The following PRKCH variants were observed in gnomAD, a reference collection of about 807,000 sequenced individuals.
PRKCH encodes protein kinase C eta, also known as protein kinase C eta type.
Under a neutral mutation model 82.5 loss-of-function variants are expected in PRKCH, and 28 were observed. The observed-to-expected ratio is 0.34, with a 90% CI of 0.25 to 0.47. The LOEUF (loss-of-function observed/expected upper bound fraction) is 0.47, where lower values mean the gene tolerates loss of function less well. Among genes scored for constraint, PRKCH ranks in the 20% least tolerant of loss-of-function variants. The pLI, the probability that PRKCH is intolerant of heterozygous loss-of-function variation, is 1.00. For synonymous variants in PRKCH, 322 were observed against 327.4 expected (o/e 0.98, Z 0.18); for missense variants, 705 against 881.8 (o/e 0.80, Z 2.54).
chr14:61,195,585 T>C (rs1357944283), intron 1 of PRKCH, among the ~76,000 whole-genome samples: 2 of 152,324 alleles, frequency 1.3e-5, no homozygotes, highest in Non-Finnish European at 2.9e-5. Context: ...ATGCATAGGA[T>C]ATTTTAGGAA....
chr14:61,256,622 T>A (rs1187336220), intron 1 of PRKCH, among the ~76,000 whole-genome samples: 3 of 152,224 alleles, frequency 2.0e-5, no homozygotes, highest in Non-Finnish European at 2.9e-5. Flanking sequence ...AGGATTTTCT[T>A]TGTTTTATTG....
intron 1 of PRKCH, among the ~76,000 whole-genome samples, chr14:61,341,463 A>G (rs1448543704): frequency 6.6e-6 from 1 of 152,238 alleles, no homozygotes; most frequent in Non-Finnish European, 1.5e-5. Flanking sequence ...CCACATGCAC[A>G]TGTCAGCACA....
At chr14:61,453,672 G>C (rs1467994229) in intron 7 of PRKCH, among the ~76,000 whole-genome samples, 1 of 143,832 alleles carries the variant, frequency 7.0e-6, no homozygotes, top group Non-Finnish European at 1.5e-5. Flanking sequence ...ATTCCTTTTT[G>C]AGATGGGGTC....
chr14:61,302,607 T>G (rs1398684016), intron 1 of PRKCH, among the ~76,000 whole-genome samples: 1 of 152,260 alleles, frequency 6.6e-6, no homozygotes, highest in African/African-American at 2.4e-5. Flanking sequence ...CTAAAATATC[T>G]TTTAAATTTA....
At position 61,468,343 on chromosome 14, in the gene PRKCH, T is replaced by A. The variant is rs76623704; in HGVS notation, c.1278+10664T>A. Among the ~76,000 whole-genome samples the A allele has an allele frequency of 5.0e-3, 768 of 152,302 alleles. 34 individuals are homozygous for A. The East Asian group carries it at 0.077, about 15-fold the overall frequency. On this transcript the variant is annotated intron_variant, in intron 9 of 13. Coordinates refer to ENST00000332981, the MANE Select transcript of PRKCH (RefSeq NM_006255.5). ...CTTATTCATAGTGTTCCATCTTTTT[T>A]TTAGGTTATTAATTGTGGATTTATT...
intron 9 of PRKCH, among the ~76,000 whole-genome samples, chr14:61,460,819 T>C (rs1394208235): frequency 6.6e-6 from 1 of 152,186 alleles, no homozygotes; most frequent in Middle Eastern, 3.2e-3. Flanking sequence ...AAAAATGGTA[T>C]ATTTGAAGTT....
At chr14:61,471,608 C>T (rs998012752) in intron 9 of PRKCH, among the ~76,000 whole-genome samples, 1 of 151,870 alleles carries the variant, frequency 6.6e-6, no homozygotes, top group Non-Finnish European at 1.5e-5. Context: ...CCTTCTTGAC[C>T]CTCACCAACA....
chr14:61,457,057 A>C (rs1222454202), intron 7 of PRKCH, 119 bp from the exon 8 acceptor site: 2 of 1,098,056 alleles, frequency 1.8e-6, no homozygotes, highest in Non-Finnish European at 1.3e-6. Context: ...AACTGAGTTG[A>C]TCTTTCCCCC....
intron 2 of PRKCH, among the ~76,000 whole-genome samples, chr14:61,423,278 T>C (rs1882951684): frequency 6.6e-6 from 1 of 152,204 alleles, no homozygotes; most frequent in Admixed American, 6.5e-5. Flanking sequence ...GATACACTAA[T>C]AAGATGGGTA....
intron 1 of PRKCH, among the ~76,000 whole-genome samples, chr14:61,328,572 G>C (rs72728004): frequency 0.14 from 21,827 of 152,116 alleles, 1,609 homozygotes; most frequent in Admixed American, 0.18. Flanking sequence ...TTGGTATCTA[G>C]TAAGTGTTAA....
At chr14:61,239,932 T>A (rs2044821489) in intron 1 of PRKCH, among the ~76,000 whole-genome samples, 1 of 152,242 alleles carries the variant, frequency 6.6e-6, no homozygotes, top group Non-Finnish European at 1.5e-5. Flanking sequence ...CAGATAGCAA[T>A]AACCACACAA....
At chr14:61,344,370 C>T (rs914381013) in intron 1 of PRKCH, 1 of 152,186 alleles carries the variant, frequency 6.6e-6, no homozygotes, top group African/African-American at 2.4e-5. Flanking sequence ...CTGGGGGGTT[C>T]CATTGTGTGC....
In PRKCH at chr14:61,244,634, C is replaced by T. The variant is rs563079960; in HGVS notation, c.-19+56966C>T. 1.9e-3 allele frequency among the ~76,000 whole-genome samples: 288 copies of T among 152,152 alleles called. 2 individuals carry two copies. The highest frequency in any genetic ancestry group is 3.3e-3 in the Non-Finnish European group (225 of 68,032). On this transcript the variant is annotated intron_variant, in intron 1 of 3. Transcript: ENST00000555185. The stretch of plus-strand genomic sequence containing the variant: ...GGCAGAGGTAACTGCCAAAACACAC[C>T]GCTGGTCCTGGAATAACTCAGAGGT...
intron 1 of PRKCH, among the ~76,000 whole-genome samples, chr14:61,211,618 C>T (rs1473323513): frequency 6.6e-6 from 1 of 152,156 alleles, no homozygotes; most frequent in Non-Finnish European, 1.5e-5. Context: ...TTTGCAGTCA[C>T]ACATGAGTAG....
At chr14:61,215,201 T>G (rs929895504) in intron 1 of PRKCH, among the ~76,000 whole-genome samples, 2 of 152,144 alleles carry the variant, frequency 1.3e-5, no homozygotes, top group Non-Finnish European at 2.9e-5. Context: ...GTGAAGGTCT[T>G]TTTTTTAGAT....
chr14:61,318,045 C>T (rs2045578161), upstream of PRKCH, among the ~76,000 whole-genome samples: 1 of 151,866 alleles, frequency 6.6e-6, no homozygotes, highest in Non-Finnish European at 1.5e-5. Context: ...ACCCCCAACT[C>T]TTTATCCCTG....
intron 9 of PRKCH, among the ~76,000 whole-genome samples, chr14:61,461,759 A>G (rs1226827089): frequency 6.6e-6 from 1 of 152,268 alleles, no homozygotes; most frequent in Non-Finnish European, 1.5e-5. Flanking sequence ...AGTAACCTGG[A>G]ACAGATTGGG....
intron 10 of PRKCH, among the ~76,000 whole-genome samples, chr14:61,501,410 A>G (rs1886901541): frequency 6.6e-6 from 1 of 151,946 alleles, no homozygotes; most frequent in Non-Finnish European, 1.5e-5. Context: ...CAAATAAATG[A>G]AAAAAAGAGA....
chr14:61,259,048 C>G (rs2045022992), intron 1 of PRKCH, among the ~76,000 whole-genome samples: 1 of 152,120 alleles, frequency 6.6e-6, no homozygotes, highest in Admixed American at 6.6e-5. Context: ...GCTTTTCTTC[C>G]TGCCCCAAAG....
Sources: gnomAD v4.1 joint callset for allele counts (sites outside exome capture counted in the v4.1 genomes callset) on GRCh38, gnomAD v4.1.1 for gene constraint, MANE v1.5 for transcripts, NCBI Gene and HGNC (gene_info 2026-07-23, HGNC 2026-07-21) for gene names.